CDC42BPA: variants seen among roughly 807,000 people sequenced by gnomAD.
The protein encoded by CDC42BPA is CDC42 binding protein kinase alpha, also known as serine/threonine-protein kinase MRCK alpha.
A neutral mutation model predicts 223.5 loss-of-function variants in CDC42BPA; 80 were observed. The observed-to-expected ratio is 0.36, with a 90% CI of 0.30 to 0.43. The LOEUF is 0.43. Ranked by LOEUF, CDC42BPA falls within the 20% of genes least tolerant of loss-of-function variation. The pLI is 1.00. For synonymous variants in CDC42BPA, 694 were observed against 718.6 expected (o/e 0.97, Z 0.55); for missense variants, 1,743 against 2,099.9 (o/e 0.83, Z 3.32).
At chr1:227,115,432 T>A (rs1200793100) in intron 12 of CDC42BPA, among the ~76,000 whole-genome samples, 1 of 151,964 alleles carries the variant, frequency 6.6e-6, no homozygotes, top group Non-Finnish European at 1.5e-5. Flanking sequence ...AAAGAAACTG[T>A]TAGAACTTCA....
intron 14 of CDC42BPA, among the ~76,000 whole-genome samples, chr1:227,104,790 G>C (rs1231972988): frequency 6.6e-6 from 1 of 152,090 alleles, no homozygotes; most frequent in African/African-American, 2.4e-5. Context: ...TCAGGGTGAT[G>C]TATCTTACAA....
chr1:226,998,869 T>C (rs570530310), intron 35 of CDC42BPA, among the ~76,000 whole-genome samples: 3 of 152,130 alleles, frequency 2.0e-5, no homozygotes, highest in Admixed American at 6.5e-5. Flanking sequence ...ACCTACAGAA[T>C]GGGAGAAAAG....
intron 5 of CDC42BPA, among the ~76,000 whole-genome samples, chr1:227,166,678 C>G (rs1160374465): frequency 6.6e-6 from 1 of 152,078 alleles, no homozygotes; most frequent in East Asian, 1.9e-4. Context: ...ATACAAGGAC[C>G]ACCCTGGTTC....
Position 227,139,762 on chromosome 1 carries a change from A to G in CDC42BPA, c.1224-20T>C. ...AGTACACTGAAGAAAAGAAAAAAAA[A>G]TGTAGGTTCATACTGTGATAAAAAG... is the stretch of plus-strand genomic sequence containing the variant. On this transcript the variant is annotated intron_variant, in intron 9 of 36. Coordinates refer to ENST00000366766, the MANE Select transcript of CDC42BPA (RefSeq NM_001394014.1). 6.8e-7 allele frequency: 1 copy of G among 1,478,658 alleles called. No individual in the cohort carries two copies. The highest frequency in any genetic ancestry group is 9.0e-7 in the Non-Finnish European group (1 of 1,113,350). 91.6% of individuals were successfully genotyped at this position (1,478,658 alleles called of 1,614,324 possible).
At chr1:227,042,648 C>T (rs1007787190) in intron 23 of CDC42BPA, among the ~76,000 whole-genome samples, 4 of 152,032 alleles carry the variant, frequency 2.6e-5, no homozygotes, top group African/African-American at 7.2e-5. Context: ...CAGGAATGAT[C>T]GATCTTAGAG....
intron 16 of CDC42BPA, among the ~76,000 whole-genome samples, chr1:227,085,280 T>A (rs2149186174): frequency 6.6e-6 from 1 of 152,350 alleles, no homozygotes; most frequent in African/African-American, 2.4e-5. Context: ...GTCAAGGGTC[T>A]GCAAACTTTT....
intron 7 of CDC42BPA, among the ~76,000 whole-genome samples, chr1:227,146,495 A>G (rs1219195084): frequency 6.6e-6 from 1 of 152,160 alleles, no homozygotes; most frequent in African/African-American, 2.4e-5. Flanking sequence ...GCAACTAATC[A>G]TAATTGCTTC....
At chr1:227,109,381 T>TA (rs1178437719) in intron 14 of CDC42BPA, among the ~76,000 whole-genome samples, 1 of 152,124 alleles carries the variant, frequency 6.6e-6, no homozygotes, top group African/African-American at 2.4e-5. Context: ...TATCTTTTTT[T>TA]TTGAGACAGA....
At chr1:227,196,269 T>G (rs1670669528) in intron 4 of CDC42BPA, among the ~76,000 whole-genome samples, 1 of 151,528 alleles carries the variant, frequency 6.6e-6, no homozygotes, top group Non-Finnish European at 1.5e-5. Flanking sequence ...ACAAAGAGAT[T>G]AACAGTCAAT....
intron 2 of CDC42BPA, among the ~76,000 whole-genome samples, chr1:227,230,093 A>T (rs1298751485): frequency 6.6e-6 from 1 of 152,178 alleles, no homozygotes; most frequent in African/African-American, 2.4e-5. Context: ...TCTTTACTGA[A>T]ACCTGAACTC....
chr1:227,158,420 T>G (rs1195397023), intron 6 of CDC42BPA, among the ~76,000 whole-genome samples: 6 of 152,152 alleles, frequency 3.9e-5, no homozygotes, highest in Non-Finnish European at 5.9e-5. Context: ...GAATAAGATG[T>G]TATAGAGAGT....
rs1660656075 is a variant in CDC42BPA at position 226,990,881 on chromosome 1, G to C, written c.*3387C>G. Reference sequence around the variant, plus strand: ...TGACAGGAATTTCAGATTCTCCCCTGAAATGTGAGTACAATAATTGGCTGG... The same window carrying C: ...TGACAGGAATTTCAGATTCTCCCCTCAAATGTGAGTACAATAATTGGCTGG... On this transcript the variant is annotated 3_prime_UTR_variant, in exon 37 of 37. Coordinates refer to ENST00000366766, the MANE Select transcript of CDC42BPA (RefSeq NM_001394014.1). 6.6e-6 allele frequency: 1 copy of C among 152,616 alleles called. No homozygotes were observed. The highest frequency in any genetic ancestry group is 6.5e-5 in the Admixed American group (1 of 15,276). 9.5% of individuals were successfully genotyped at this position (152,616 alleles called of 1,614,324 possible).
At chr1:227,156,434 GAGGCC>G (rs1662809528) in intron 6 of CDC42BPA, among the ~76,000 whole-genome samples, 2 of 2,756 alleles carry the variant, frequency 7.3e-4, no homozygotes. Flanking sequence ...AAGACTTTGA[GAGGCC>G]TGCCATAGGC....
At chr1:227,171,300 G>A (rs749325070) in intron 5 of CDC42BPA, among the ~76,000 whole-genome samples, 12 of 152,192 alleles carry the variant, frequency 7.9e-5, no homozygotes, top group Non-Finnish European at 8.8e-5. Flanking sequence ...TATGATTTTA[G>A]TTTTAAAATA....
intron 2 of CDC42BPA, among the ~76,000 whole-genome samples, chr1:227,247,669 G>A (rs1007224907): frequency 2.0e-5 from 3 of 151,620 alleles, no homozygotes; most frequent in Non-Finnish European, 4.4e-5. Context: ...CGGATCATCT[G>A]ACGTCAGGAG....
chr1:227,015,415 T>G (rs1558286246), intron 34 of CDC42BPA, among the ~76,000 whole-genome samples: 1 of 142,988 alleles, frequency 7.0e-6, no homozygotes, highest in East Asian at 2.0e-4. Flanking sequence ...AGAATGAGAC[T>G]CCATCTCAAA....
At chr1:227,032,175 C>T (rs774332567) in intron 27 of CDC42BPA, among the ~76,000 whole-genome samples, 1 of 152,180 alleles carries the variant, frequency 6.6e-6, no homozygotes, top group African/African-American at 2.4e-5. Context: ...ACAAACAACA[C>T]TATCAGAGCA....
rs199656326 is a variant in CDC42BPA, at chr1:227,028,778, T to C, written c.4311A>G (p.Ala1437=). The C allele has an allele frequency of 1.7e-4, 277 of 1,613,968 alleles. No individual in the cohort carries two copies. The highest frequency in any genetic ancestry group is 2.2e-4 in the Non-Finnish European group (260 of 1,179,928). Residue 1437 remains alanine, a synonymous_variant, in exon 30 of 37, where the codon GCA becomes GCG. Transcript: ENST00000366766. The part of the protein sequence containing the change: ...IAHQPMDAIC[A]VEISSKEYLL... ...GATATTCTTTACTGGAGATCTCAAC[T>C]GCGCAGATAGCATCCATTGGTTGAT...
At chr1:227,140,822 A>C (rs1301842756) in intron 9 of CDC42BPA, among the ~76,000 whole-genome samples, 2 of 152,180 alleles carry the variant, frequency 1.3e-5, no homozygotes, top group East Asian at 3.8e-4. Flanking sequence ...AGTAGACGAG[A>C]GGAGAGGTCT....
Sources: gnomAD v4.1 joint callset for allele counts (sites outside exome capture counted in the v4.1 genomes callset) on GRCh38, gnomAD v4.1.1 for gene constraint, MANE v1.5 for transcripts, NCBI Gene and HGNC (gene_info 2026-07-23, HGNC 2026-07-21) for gene names.